The following GRAMD4 variants were observed in gnomAD, a reference collection of about 807,000 sequenced individuals.
The protein encoded by GRAMD4 is GRAM domain-containing protein 4.
A neutral mutation model predicts 83.9 loss-of-function variants in GRAMD4; 25 were observed. The observed-to-expected ratio is 0.30, with a 90% CI of 0.22 to 0.42. The LOEUF is 0.42. GRAMD4 is among the 10% of genes least tolerant of loss of function. The probability of loss-of-function intolerance (pLI) is 1.00; values close to 1 mark genes in which losing one functional copy is unlikely to be tolerated. For synonymous variants in GRAMD4, 336 were observed against 320.9 expected (o/e 1.05, Z -0.50); for missense variants, 593 against 788.7 (o/e 0.75, Z 2.97).
chr22:46,671,861 T>C (rs542357716), intron 13 of GRAMD4, among the ~76,000 whole-genome samples: 5 of 152,280 alleles, frequency 3.3e-5, no homozygotes, highest in Non-Finnish European at 7.4e-5. Flanking sequence ...AGTTGAGAAT[T>C]GGGGTCAAAA....
intron 1 of GRAMD4, among the ~76,000 whole-genome samples, chr22:46,600,144 G>C (rs547212284): frequency 6.6e-6 from 1 of 152,302 alleles, no homozygotes; most frequent in African/African-American, 2.4e-5. Flanking sequence ...TTAAAGGCTG[G>C]TGACACCTGT....
In GRAMD4 at chr22:46,671,340, C is replaced by T. The variant is rs190947620; in HGVS notation, c.1085-1503C>T. 1.4e-4 allele frequency among the ~76,000 whole-genome samples: 21 copies of T among 152,128 alleles called. 1 individual carries two copies. Among genetic ancestry groups the T allele is most frequent in the African/African-American group, 4.6e-4 (19 of 41,406 alleles). On this transcript the variant is annotated intron_variant, in intron 13 of 18. Transcript: ENST00000406902. The stretch of plus-strand genomic sequence containing the variant: ...GGTGAATCACTTGAGGTCAGGAGTT[C>T]GAGACCAGCCCAGCCAACATGGTGA...
intron 1 of GRAMD4, among the ~76,000 whole-genome samples, chr22:46,604,723 C>T (rs1443508656): frequency 3.3e-5 from 5 of 152,260 alleles, no homozygotes; most frequent in African/African-American, 1.2e-4. Context: ...ATAACGTCCT[C>T]TGGGTTCACC....
chr22:46,660,236 C>T (rs771755015), intron 4 of GRAMD4, among the ~76,000 whole-genome samples: 1 of 152,208 alleles, frequency 6.6e-6, no homozygotes. Flanking sequence ...AGTGAAGGAA[C>T]ATCCAGGCTG....
At chr22:46,586,462 G>T (rs1239347483) in intron 1 of GRAMD4, among the ~76,000 whole-genome samples, 1 of 152,100 alleles carries the variant, frequency 6.6e-6, no homozygotes, top group Non-Finnish European at 1.5e-5. Context: ...GGGCTCCCTG[G>T]CTCCCCGGGC....
At chr22:46,614,808 GTAGGTTCCCC>G (rs2081454723) in intron 1 of GRAMD4, among the ~76,000 whole-genome samples, 1 of 109,912 alleles carries the variant, frequency 9.1e-6, no homozygotes, top group African/African-American at 3.4e-5. Context: ...TCCCCCGTGT[GTAGGTTCCCC>G]TGTGCTTTAT....
rs533400632 is a variant in GRAMD4, at chr22:46,667,972, A to G, written c.859-124A>G. On this transcript the variant is annotated intron_variant, in intron 10 of 18. Coordinates refer to ENST00000406902, the MANE Select transcript of GRAMD4 (RefSeq NM_015124.5). ...GTGCCAGGTCCCCAAGGGATGTCCC[A>G]TCCCCCCTGGCTGTGTGGGGACAGC... is the stretch of plus-strand genomic sequence containing the variant. 7.4e-6 allele frequency: 5 copies of G among 680,122 alleles called. No individual in the cohort carries two copies. The East Asian group carries it at 1.4e-4, about 18-fold the overall frequency. 42.1% of individuals were successfully genotyped at this position (680,122 alleles called of 1,614,324 possible). A position where few individuals can be genotyped will look rare whatever the true frequency, so the allele number is the denominator to read the frequency against.
chr22:46,607,207 G>C (rs1297009092), intron 1 of GRAMD4, among the ~76,000 whole-genome samples: 5 of 151,954 alleles, frequency 3.3e-5, no homozygotes, highest in South Asian at 2.1e-4. Context: ...CTTTAAAAAG[G>C]GGGGGGTCAT....
At position 46,611,440 on chromosome 22, in the gene GRAMD4, C is replaced by T. The variant is rs541866919; in HGVS notation, c.-49-15311C>T. 6.7e-4 allele frequency among the ~76,000 whole-genome samples: 102 copies of T among 152,066 alleles called. 1 individual carries two copies. The highest frequency in any genetic ancestry group is 2.4e-3 in the African/African-American group (98 of 41,494). ...GCCATGGAGTCCAGTGGAGTCAGTT[C>T]GTGTTCCTGTTGTGCCACTTCTTTC... On this transcript the variant is annotated intron_variant, in intron 1 of 1. Transcript: ENST00000431155.
At chr22:46,600,327 G>A (rs569851601) in intron 1 of GRAMD4, among the ~76,000 whole-genome samples, 2 of 152,200 alleles carry the variant, frequency 1.3e-5, no homozygotes, top group Non-Finnish European at 2.9e-5. Context: ...AGCAGAGGGG[G>A]GCTTTGCCAG....
chr22:46,639,600 G>A (rs946479938), intron 3 of GRAMD4, among the ~76,000 whole-genome samples: 1 of 151,524 alleles, frequency 6.6e-6, no homozygotes. Context: ...CCCTGTGTGT[G>A]CGTGTGCATG....
chr22:46,668,306 C>T lies in GRAMD4; in HGVS notation c.930+139C>T. 8.0e-6 allele frequency: 5 copies of T among 624,632 alleles called. No individual in the cohort carries two copies. The South Asian group carries it at 9.5e-5, about 12-fold the overall frequency. 38.7% of individuals were successfully genotyped at this position (624,632 alleles called of 1,614,324 possible). ...GAGGGCCGTGCCTGACACTGCAGGCCCGGTTTGTCCGCGGTCAGCTGACTT... is the reference window on the plus strand; with the variant it reads ...GAGGGCCGTGCCTGACACTGCAGGCTCGGTTTGTCCGCGGTCAGCTGACTT... On this transcript the variant is annotated intron_variant, in intron 11 of 18. Transcript: ENST00000406902.
intron 3 of GRAMD4, among the ~76,000 whole-genome samples, chr22:46,652,362 C>G (rs1276664531): frequency 6.6e-6 from 1 of 152,220 alleles, no homozygotes; most frequent in African/African-American, 2.4e-5. Flanking sequence ...TGGGTCTCCC[C>G]CTTCCCGGAG....
At chr22:46,674,512 G>A (rs1005521431) in intron 15 of GRAMD4, 145 bp from the exon 16 acceptor site, 5 of 702,216 alleles carry the variant, frequency 7.1e-6, no homozygotes, top group Middle Eastern at 2.8e-4. Context: ...CACTCTTGCC[G>A]GCGCGCCTTC....
intron 3 of GRAMD4, among the ~76,000 whole-genome samples, chr22:46,638,313 C>A (rs1026708178): frequency 1.1e-4 from 16 of 152,328 alleles, no homozygotes; most frequent in African/African-American, 3.8e-4. Context: ...GTGAATTGGT[C>A]CCTTGCATTC....
intron 3 of GRAMD4, among the ~76,000 whole-genome samples, chr22:46,643,957 C>T (rs1202588095): frequency 1.3e-5 from 2 of 152,178 alleles, no homozygotes; most frequent in Admixed American, 6.5e-5. Flanking sequence ...TCTCCTTGCA[C>T]CCCGCCCCCA....
downstream of GRAMD4, among the ~76,000 whole-genome samples, chr22:46,680,089 C>T (rs1319430844): frequency 2.0e-5 from 3 of 152,298 alleles, no homozygotes; most frequent in East Asian, 3.9e-4. Flanking sequence ...GGAGGGTACC[C>T]AGGGCTGGCA....
Position 46,672,397 on chromosome 22 carries a change from G to T in GRAMD4, c.1085-446G>T, listed in dbSNP as rs1281417737. ...GTGGGGGGGCACCCAGTTGAAGAAGGGCAGGTGGGAGGGGGTTTGGGGAGG... is the reference window on the plus strand; with the variant it reads ...GTGGGGGGGCACCCAGTTGAAGAAGTGCAGGTGGGAGGGGGTTTGGGGAGG... On this transcript the variant is annotated intron_variant, in intron 13 of 18. Transcript: ENST00000406902. The surrounding 1 kb of genome is among the most constrained non-coding windows in gnomAD (Gnocchi z 4.7). Among the ~76,000 whole-genome samples, 2 of 152,056 alleles carry T rather than the reference G, an allele frequency of 1.3e-5. No individual in the cohort carries two copies. Among genetic ancestry groups the T allele is most frequent in the Non-Finnish European group, 2.9e-5 (2 of 67,996 alleles).
At chr22:46,616,547 T>C (rs1330793207), upstream of GRAMD4, among the ~76,000 whole-genome samples, 11 of 125,640 alleles carry the variant, frequency 8.8e-5, no homozygotes, top group Admixed American at 3.3e-4. Context: ...TTCCCCCGTG[T>C]GTGCAGGTTC....
Sources: allele counts gnomAD v4.1 joint callset (sites outside exome capture counted in the v4.1 genomes callset), GRCh38; gene constraint gnomAD v4.1.1; non-coding constraint Gnocchi (gnomAD v3.1); transcripts MANE v1.5; gene names NCBI Gene and HGNC (gene_info 2026-07-23, HGNC 2026-07-21).